EXPH5: variants seen among roughly 807,000 people sequenced by gnomAD.
EXPH5 encodes the protein exophilin 5.
In EXPH5, 42 loss-of-function variants were observed where a neutral mutation model predicts 41.1. The observed-to-expected ratio is 1.02, with a 90% CI of 0.80 to 1.32. The LOEUF (loss-of-function observed/expected upper bound fraction) is 1.32. EXPH5 is among the 40% of genes most tolerant of loss of function. EXPH5 has a pLI of 0.00. For synonymous variants in EXPH5, 798 were observed against 833.5 expected, an observed-to-expected ratio of 0.96 and a Z score of 0.73; for missense variants, 2,298 against 2,314.5, an observed-to-expected ratio of 0.99 and a Z score of 0.15.
the EXPH5 span, among the ~76,000 whole-genome samples, chr11:108,607,054 A>C: frequency 6.6e-6 from 1 of 152,226 alleles, no homozygotes; most frequent in Non-Finnish European, 1.5e-5. Flanking sequence ...ATCCGAGAAC[A>C]AACAGAAGTA....
chr11:108,518,219 T>C lies in EXPH5; in HGVS notation c.631+16A>G. 4.4e-6 allele frequency: 7 copies of C among 1,607,636 alleles called. No homozygotes were observed. The highest frequency in any genetic ancestry group is 5.9e-6 in the Non-Finnish European group (7 of 1,177,618). ...GTTATCAGTAGTTGCAAAGGCAATT[T>C]AATGCATGAACTTACCTTGGAAAAA... On this transcript the variant is annotated intron_variant, in intron 5 of 5. Coordinates refer to ENST00000265843, the MANE Select transcript of EXPH5 (RefSeq NM_015065.3).
Position 108,512,879 on chromosome 11 carries a change from AGAATCACAC to A in EXPH5, c.2619_2627del (p.Cys874_Ser876del). On this transcript the variant is annotated inframe_deletion, in exon 6 of 6. Transcript: ENST00000265843. The stretch of plus-strand genomic sequence containing the variant: ...GTAGTGCAGCTGATGACAGATCTAA[AGAATCACAC>A]GAGGTCTTGTGGCCAGGAGTTAACT... 1 of 1,614,152 alleles carries A rather than the reference AGAATCACAC, an allele frequency of 6.2e-7. No individual in the cohort carries two copies. The highest frequency in any genetic ancestry group is 1.1e-5 in the South Asian group (1 of 91,050).
chr11:108,595,607 G>A (rs933506915), upstream of EXPH5, among the ~76,000 whole-genome samples: 2 of 152,122 alleles, frequency 1.3e-5, no homozygotes, highest in Admixed American at 6.5e-5. Flanking sequence ...GTCTCCACAG[G>A]GGTAAAATCT....
intron 1 of EXPH5, among the ~76,000 whole-genome samples, chr11:108,543,644 G>T (rs1056732010): frequency 6.6e-6 from 1 of 152,114 alleles, no homozygotes; most frequent in African/African-American, 2.4e-5. Flanking sequence ...CTGTGAAGTG[G>T]CAGATTTGGA....
intron 3 of EXPH5, among the ~76,000 whole-genome samples, chr11:108,530,261 T>A (rs913476686): frequency 6.6e-6 from 1 of 152,180 alleles, no homozygotes; most frequent in South Asian, 2.1e-4. Context: ...CCTCCTACAC[T>A]CTACATACTA....
At chr11:108,562,635 T>C (rs1165883288) in intron 1 of EXPH5, among the ~76,000 whole-genome samples, 1 of 151,230 alleles carries the variant, frequency 6.6e-6, no homozygotes, top group Admixed American at 6.6e-5. Flanking sequence ...AAAGTAAAAT[T>C]ACATTCAATG....
At chr11:108,540,383 C>T (rs1206978321) in intron 2 of EXPH5, among the ~76,000 whole-genome samples, 1 of 151,974 alleles carries the variant, frequency 6.6e-6, no homozygotes, top group Non-Finnish European at 1.5e-5. Flanking sequence ...TTGGGACATG[C>T]TGACTTTATA....
At chr11:108,523,539 ATAGT>A in intron 4 of EXPH5, among the ~76,000 whole-genome samples, 1 of 152,206 alleles carries the variant, frequency 6.6e-6, no homozygotes, top group East Asian at 1.9e-4. Context: ...CACTTTGCAC[ATAGT>A]TATGAATTGA....
intron 1 of EXPH5, among the ~76,000 whole-genome samples, chr11:108,574,765 G>A (rs2094074360): frequency 6.6e-6 from 1 of 152,182 alleles, no homozygotes; most frequent in Admixed American, 6.5e-5. Flanking sequence ...ATATAAAGTA[G>A]AAATCTGCTC....
the EXPH5 span, among the ~76,000 whole-genome samples, chr11:108,600,207 T>A: frequency 6.6e-6 from 1 of 152,194 alleles, no homozygotes; most frequent in East Asian, 1.9e-4. Flanking sequence ...GGAGTGAGAT[T>A]GAAAGTTAAG....
At chr11:108,589,032 C>CTTGAG (rs1407288917) in intron 1 of EXPH5, among the ~76,000 whole-genome samples, 1 of 152,204 alleles carries the variant, frequency 6.6e-6, no homozygotes, top group African/African-American at 2.4e-5. Context: ...GCTCAAGCCT[C>CTTGAG]CTGAGCACAC....
intron 1 of EXPH5, among the ~76,000 whole-genome samples, chr11:108,581,158 G>A (rs1231848908): frequency 6.6e-6 from 1 of 152,018 alleles, no homozygotes; most frequent in Non-Finnish European, 1.5e-5. Context: ...AGAAAAATTA[G>A]CCAGGCGTGG....
intron 1 of EXPH5, among the ~76,000 whole-genome samples, chr11:108,549,304 A>G (rs17108175): frequency 7.9e-5 from 12 of 152,230 alleles, no homozygotes; most frequent in Non-Finnish European, 1.5e-4. Flanking sequence ...TCCTTTCTTC[A>G]TTCACATGAA....
intron 3 of EXPH5, among the ~76,000 whole-genome samples, chr11:108,533,347 G>C (rs1017089495): frequency 6.6e-6 from 1 of 152,018 alleles, no homozygotes; most frequent in South Asian, 2.1e-4. Flanking sequence ...GGGATTACAG[G>C]CACCTGCCAC....
upstream of EXPH5, among the ~76,000 whole-genome samples, chr11:108,595,184 TCACA>T (rs1276691598): frequency 6.6e-6 from 1 of 152,204 alleles, no homozygotes; most frequent in Non-Finnish European, 1.5e-5. Flanking sequence ...CATGAAGGCA[TCACA>T]CACTGTGAAC....
intron 4 of EXPH5, 25 bp downstream of exon 4, chr11:108,528,110 TA>T: frequency 1.3e-6 from 2 of 1,535,408 alleles, no homozygotes; most frequent in East Asian, 2.3e-5. Flanking sequence ...TTTCTTAGAG[TA>T]ACCTGTAGTT....
At chr11:108,602,052 A>G in the EXPH5 span, among the ~76,000 whole-genome samples, 1 of 152,160 alleles carries the variant, frequency 6.6e-6, no homozygotes, top group Non-Finnish European at 1.5e-5. Context: ...CCTGCCCTGA[A>G]ATGATAGACT....
chr11:108,521,033 G>T (rs1302841008), intron 4 of EXPH5, among the ~76,000 whole-genome samples: 1 of 151,942 alleles, frequency 6.6e-6, no homozygotes, highest in Non-Finnish European at 1.5e-5. Flanking sequence ...TGTCAAACTG[G>T]CTCTGTCACT....
chr11:108,514,210 T>C lies in EXPH5; in HGVS notation c.1297A>G (p.Met433Val). The change falls in exon 6 of 6, where the codon ATG (methionine) becomes GTG (valine). Residue 433 changes from methionine to valine, a missense_variant. Transcript: ENST00000265843. ...GTGTCGGGACTCATTGCATTCTCCA[T>C]GGGAGCATTTAAACTAACACGTTGG... ...VYQRVSLNAP[M>V]ENAMSPDTFE... 6.2e-7 allele frequency: 1 copy of C among 1,614,232 alleles called. No individual in the cohort carries two copies. Among genetic ancestry groups the C allele is most frequent in the Non-Finnish European group, 8.5e-7 (1 of 1,180,040 alleles).
Sources: allele counts gnomAD v4.1 joint callset (sites outside exome capture counted in the v4.1 genomes callset), GRCh38; gene constraint gnomAD v4.1.1; transcripts MANE v1.5; gene names NCBI Gene and HGNC (gene_info 2026-07-23, HGNC 2026-07-21).